Variants in BCAS3 observed in about 807,000 individuals in gnomAD.
BCAS3 encodes BCAS3 microtubule associated cell migration factor.
BCAS3 carries 53 observed loss-of-function variants against 116.1 expected under a neutral mutation model. The observed-to-expected ratio is 0.46, with a 90% CI of 0.37 to 0.57. BCAS3 has a LOEUF of 0.57. Ranked by LOEUF, BCAS3 falls within the 20% of genes least tolerant of loss-of-function variation. The pLI is 0.00. For missense variants in BCAS3, 917 were observed against 1,165.4 expected, an observed-to-expected ratio of 0.79 and a Z score of 3.10; for synonymous variants, 391 against 408.2, an observed-to-expected ratio of 0.96 and a Z score of 0.51.
At chr17:60,807,772 A>G (rs1263233443) in intron 6 of BCAS3, among the ~76,000 whole-genome samples, 2 of 147,880 alleles carry the variant, frequency 1.4e-5, no homozygotes, top group Admixed American at 1.4e-4. Flanking sequence ...ACAGAGCGAG[A>G]CTCTGTCTCA....
chr17:61,345,968 A>C (rs2057480325), intron 22 of BCAS3, among the ~76,000 whole-genome samples: 1 of 152,172 alleles, frequency 6.6e-6, no homozygotes, highest in African/African-American at 2.4e-5. Context: ...GAGTTGAGTG[A>C]GTTGCTGGAG....
chr17:61,085,075 A>G (rs2072972267), intron 22 of BCAS3, among the ~76,000 whole-genome samples: 1 of 152,202 alleles, frequency 6.6e-6, no homozygotes, highest in South Asian at 2.1e-4. Context: ...CTTGGAAACA[A>G]GCTATGAATA....
Position 61,098,017 on chromosome 17 carries a change from A to C in BCAS3, c.2425+13453A>C, listed in dbSNP as rs1303438419. 6.6e-6 allele frequency among the ~76,000 whole-genome samples: 1 copy of C among 152,242 alleles called. No individual in the cohort carries two copies. Among genetic ancestry groups the C allele is most frequent in the Non-Finnish European group, 1.5e-5 (1 of 68,040 alleles). On this transcript the variant is annotated intron_variant, in intron 22 of 23. Coordinates refer to ENST00000407086, the MANE Select transcript of BCAS3 (RefSeq NM_017679.5). The surrounding 1 kb of genome is among the most constrained non-coding windows in gnomAD (Gnocchi z 4.2). ...ATTCCCAGCTTGTCCTTATTGCTTT[A>C]GGCAACAACTGACAGGCCTGACTGG...
Position 61,365,429 on chromosome 17 carries a change from G to T in BCAS3, c.2426-2898G>T, listed in dbSNP as rs189237781. Among the ~76,000 whole-genome samples the T allele has an allele frequency of 6.6e-5, 10 of 152,234 alleles. No individual in the cohort carries two copies. The East Asian group carries it at 1.9e-3, about 29-fold the overall frequency. On this transcript the variant is annotated intron_variant, in intron 22 of 23. Coordinates refer to ENST00000407086, the MANE Select transcript of BCAS3 (RefSeq NM_017679.5). This position sits in a 1 kb window ranked among gnomAD's most constrained non-coding sequence, Gnocchi z 4.6. ...GCTCACTGCAACCTCTGCCTCCCAG[G>T]TTCAAATGATTCTCCTGCCTCAGCC...
At chr17:60,892,748 C>A (rs946705306) in intron 10 of BCAS3, among the ~76,000 whole-genome samples, 1 of 151,974 alleles carries the variant, frequency 6.6e-6, no homozygotes, top group Non-Finnish European at 1.5e-5. Flanking sequence ...TAGTGAAACC[C>A]TGTCTCTACT....
rs947270124 is a variant in BCAS3, at chr17:61,368,749, C to G, written c.2593+255C>G. Among the ~76,000 whole-genome samples the G allele has an allele frequency of 1.3e-5, 2 of 152,212 alleles. No individual in the cohort carries two copies. The highest frequency in any genetic ancestry group is 6.5e-5 in the Admixed American group (1 of 15,290). On this transcript the variant is annotated intron_variant, in intron 23 of 23. Transcript: ENST00000407086. The surrounding 1 kb of genome is among the most constrained non-coding windows in gnomAD (Gnocchi z 6.0). ...ATGATCAACACCACTGTGCAAGTGG[C>G]TCCCAGAAGGACACTTTCCTCCTTT...
At chr17:60,924,186 C>T (rs1213059166) in intron 12 of BCAS3, among the ~76,000 whole-genome samples, 1 of 152,116 alleles carries the variant, frequency 6.6e-6, no homozygotes, top group African/African-American at 2.4e-5. Flanking sequence ...GTCAAGTCAG[C>T]TGACTCTTTT....
chr17:60,791,710 C>T (rs73316768), intron 6 of BCAS3, among the ~76,000 whole-genome samples: 6,703 of 152,142 alleles, frequency 0.044, 547 homozygotes, highest in African/African-American at 0.15. Flanking sequence ...TTTTGAAGTC[C>T]CCTGGCTACA....
At chr17:61,155,059 A>T (rs2077754864) in intron 22 of BCAS3, among the ~76,000 whole-genome samples, 2 of 152,168 alleles carry the variant, frequency 1.3e-5, no homozygotes, top group Admixed American at 1.3e-4. Context: ...TTAATGAGAC[A>T]TGTCAGGCAT....
At chr17:60,793,933 A>C (rs536347074) in intron 6 of BCAS3, among the ~76,000 whole-genome samples, 73 of 152,262 alleles carry the variant, frequency 4.8e-4, no homozygotes, top group African/African-American at 1.6e-3. Context: ...CCATAGTGAG[A>C]TGCTGGATCA....
chr17:60,918,576 C>T (rs1381964693), intron 12 of BCAS3, among the ~76,000 whole-genome samples: 2 of 151,918 alleles, frequency 1.3e-5, no homozygotes, highest in Non-Finnish European at 2.9e-5. Context: ...TGTCTTTCTT[C>T]ATTCTTTTTT....
intron 14 of BCAS3, among the ~76,000 whole-genome samples, chr17:60,975,344 C>T (rs1381250575): frequency 1.3e-5 from 2 of 152,194 alleles, no homozygotes; most frequent in Non-Finnish European, 2.9e-5. Context: ...AAATGAGCCA[C>T]GATAGGCACA....
At chr17:60,826,707 T>C (rs942459443) in intron 7 of BCAS3, among the ~76,000 whole-genome samples, 6 of 152,228 alleles carry the variant, frequency 3.9e-5, no homozygotes, top group African/African-American at 1.4e-4. Flanking sequence ...TTCCATGAGC[T>C]ACATCTAATT....
At chr17:60,855,406 C>A (rs1166105067) in intron 7 of BCAS3, among the ~76,000 whole-genome samples, 1 of 151,238 alleles carries the variant, frequency 6.6e-6, no homozygotes, top group Non-Finnish European at 1.5e-5. Flanking sequence ...TGTGAGTGAT[C>A]CCATTTGTCT....
At chr17:61,040,566 T>C (rs2145619561) in intron 18 of BCAS3, among the ~76,000 whole-genome samples, 1 of 152,220 alleles carries the variant, frequency 6.6e-6, no homozygotes, top group East Asian at 1.9e-4. Context: ...TAAGCTTATA[T>C]TGACTGCATG....
chr17:60,719,334 A>C (rs1346521727), intron 5 of BCAS3, among the ~76,000 whole-genome samples: 1 of 152,222 alleles, frequency 6.6e-6, no homozygotes, highest in African/African-American at 2.4e-5. Context: ...GCCAGTGCAC[A>C]CTATCCAAAC....
intron 7 of BCAS3, among the ~76,000 whole-genome samples, chr17:60,835,047 A>G (rs1168940876): frequency 1.3e-5 from 2 of 151,914 alleles, no homozygotes; most frequent in African/African-American, 4.8e-5. Context: ...TTGCCTCTCT[A>G]TTCTTCTGTA....
chr17:61,332,591 A>G lies in BCAS3; in HGVS notation c.2426-35736A>G, dbSNP rs1250888750. Among the ~76,000 whole-genome samples the G allele has an allele frequency of 6.6e-6, 1 of 152,080 alleles. No homozygotes were observed. Among genetic ancestry groups the G allele is most frequent in the African/African-American group, 2.4e-5 (1 of 41,400 alleles). On this transcript the variant is annotated intron_variant, in intron 22 of 23. Transcript: ENST00000407086. This position sits in a 1 kb window ranked among gnomAD's most constrained non-coding sequence, Gnocchi z 5.4. ...TCTCTATACTACCCTGTGACATAGGAATTATTATCCCCATCTTTTATTATT... is the reference window on the plus strand; with the variant it reads ...TCTCTATACTACCCTGTGACATAGGGATTATTATCCCCATCTTTTATTATT...
At chr17:60,708,961 GT>G (rs1224084225) in intron 4 of BCAS3, among the ~76,000 whole-genome samples, 1 of 151,042 alleles carries the variant, frequency 6.6e-6, no homozygotes, top group East Asian at 1.9e-4. Flanking sequence ...GCCCAGCCCT[GT>G]TTTTTTTTCC....
Sources: gnomAD v4.1 joint callset for allele counts (sites outside exome capture counted in the v4.1 genomes callset) on GRCh38, gnomAD v4.1.1 for gene constraint, Gnocchi (gnomAD v3.1) non-coding constraint, MANE v1.5 for transcripts, NCBI Gene and HGNC (gene_info 2026-07-23, HGNC 2026-07-21) for gene names.